The following UNC80 variants were observed in gnomAD, a reference collection of about 807,000 sequenced individuals.
UNC80 encodes unc-80 subunit of NALCN channel complex, also known as protein unc-80 homolog.
In UNC80, 164 loss-of-function variants were observed where a neutral mutation model predicts 384.6. That is an observed-to-expected ratio of 0.43 (90% CI 0.38 to 0.49). The LOEUF (loss-of-function observed/expected upper bound fraction) is 0.49. Ranked by LOEUF, UNC80 falls within the 20% of genes least tolerant of loss-of-function variation. The pLI is 0.00. For synonymous variants in UNC80, 1,486 were observed against 1,527.8 expected, an observed-to-expected ratio of 0.97 and a Z score of 0.64; for missense variants, 3,330 against 4,143.0, an observed-to-expected ratio of 0.80 and a Z score of 5.39.
intron 18 of UNC80, 147 bp downstream of exon 18, chr2:209,835,157 A>G: frequency 3.3e-6 from 2 of 600,534 alleles, no homozygotes; most frequent in Non-Finnish European, 5.8e-6. Flanking sequence ...TCCCAATGCC[A>G]CTAACTCTCC....
At chr2:209,796,942 G>A (rs911500924) in intron 7 of UNC80, among the ~76,000 whole-genome samples, 32 of 152,060 alleles carry the variant, frequency 2.1e-4, no homozygotes, top group South Asian at 2.1e-4. Flanking sequence ...TTCATCACCC[G>A]AAAATGTCCC....
intron 22 of UNC80, among the ~76,000 whole-genome samples, chr2:209,854,544 A>T (rs1254296097): frequency 6.6e-6 from 1 of 152,176 alleles, no homozygotes; most frequent in Admixed American, 6.5e-5. Context: ...AAATTTTTGC[A>T]ATCTATCCAT....
rs528377673 is a variant in UNC80 at position 209,787,802 on chromosome 2, T to C, written c.724+1613T>C. Reference sequence around the variant, plus strand: ...TGTATTTACTATACCATACTTTTCATTGTTATTTTAGAATATATTTCTTCT... The same window carrying C: ...TGTATTTACTATACCATACTTTTCACTGTTATTTTAGAATATATTTCTTCT... On this transcript the variant is annotated intron_variant, in intron 5 of 64. Transcript: ENST00000673920. Among the ~76,000 whole-genome samples, 7 of 152,360 alleles carry C rather than the reference T, an allele frequency of 4.6e-5. No individual in the cohort carries two copies. In the East Asian group the frequency reaches 5.8e-4, roughly 13 times the overall value.
chr2:209,803,162 T>C (rs998335083), intron 7 of UNC80, among the ~76,000 whole-genome samples: 3 of 152,212 alleles, frequency 2.0e-5, no homozygotes, highest in African/African-American at 7.2e-5. Context: ...ACCTTTTCCA[T>C]ATTTTATTGG....
intron 22 of UNC80, among the ~76,000 whole-genome samples, chr2:209,857,853 G>T (rs1041026321): frequency 6.6e-6 from 1 of 152,050 alleles, no homozygotes; most frequent in Admixed American, 6.6e-5. Context: ...AAAATCCAGG[G>T]TTTTGTTAGA....
chr2:209,953,041 T>C (rs2092259207), intron 47 of UNC80, among the ~76,000 whole-genome samples: 1 of 152,152 alleles, frequency 6.6e-6, no homozygotes, highest in African/African-American at 2.4e-5. Flanking sequence ...AAATCTTGAT[T>C]TCAGATTCTT....
intron 7 of UNC80, among the ~76,000 whole-genome samples, chr2:209,802,290 A>G (rs1370065000): frequency 6.6e-6 from 1 of 152,208 alleles, no homozygotes; most frequent in Non-Finnish European, 1.5e-5. Context: ...AAAATTATTA[A>G]AAGAGCAGGT....
intron 18 of UNC80, among the ~76,000 whole-genome samples, chr2:209,836,092 A>G (rs537927463): frequency 1.1e-4 from 16 of 152,212 alleles, no homozygotes; most frequent in African/African-American, 3.9e-4. Context: ...ATATTTCATG[A>G]ATGAATGAAT....
At chr2:209,775,042 A>C (rs1204720542) in intron 2 of UNC80, among the ~76,000 whole-genome samples, 1 of 152,222 alleles carries the variant, frequency 6.6e-6, no homozygotes, top group Non-Finnish European at 1.5e-5. Flanking sequence ...GGCATCAAGT[A>C]CCAATCCTGT....
chr2:209,835,997 A>T (rs904523914), intron 18 of UNC80, among the ~76,000 whole-genome samples: 4 of 152,212 alleles, frequency 2.6e-5, no homozygotes, highest in Admixed American at 6.5e-5. Flanking sequence ...GATCAATTCC[A>T]TGGGCTCAGG....
chr2:209,961,691 A>G (rs1176684084), intron 51 of UNC80, among the ~76,000 whole-genome samples: 4 of 152,214 alleles, frequency 2.6e-5, no homozygotes, highest in Non-Finnish European at 5.9e-5. Flanking sequence ...TCATAATATA[A>G]ATAAGTTAAA....
intron 23 of UNC80, among the ~76,000 whole-genome samples, chr2:209,875,679 A>G (rs951895734): frequency 2.0e-5 from 3 of 152,184 alleles, no homozygotes; most frequent in Non-Finnish European, 2.9e-5. Context: ...AACTTCAATT[A>G]TGTGGCCCCT....
intron 18 of UNC80, among the ~76,000 whole-genome samples, chr2:209,835,805 G>A (rs2081297449): frequency 6.6e-6 from 1 of 152,124 alleles, no homozygotes; most frequent in Admixed American, 6.5e-5. Flanking sequence ...TTCACAGTCA[G>A]GGAAATCAAA....
At chr2:209,938,468 A>G (rs1415492418) in intron 42 of UNC80, among the ~76,000 whole-genome samples, 4 of 152,226 alleles carry the variant, frequency 2.6e-5, no homozygotes, top group Non-Finnish European at 2.9e-5. Flanking sequence ...CACTTAAGTA[A>G]TTAAAAATAT....
rs891815294 is a variant in UNC80, at chr2:209,927,009, C to A, written c.5806+23C>A. ...CAGGTACAGTTTTGAACAGTCAGATCATCAGTGACATTCTTAAGCTGTTTA... is the reference window on the plus strand; with the variant it reads ...CAGGTACAGTTTTGAACAGTCAGATAATCAGTGACATTCTTAAGCTGTTTA... On this transcript the variant is annotated intron_variant, in intron 36 of 64. Coordinates refer to ENST00000673920, the MANE Select transcript of UNC80 (RefSeq NM_001371986.1). 6.5e-6 allele frequency: 10 copies of A among 1,550,064 alleles called. No homozygotes were observed. In the Middle Eastern group the frequency reaches 6.7e-4, roughly 103 times the overall value.
Position 209,973,261 on chromosome 2 carries a change from G to T in UNC80, c.8578G>T (p.Ala2860Ser), listed in dbSNP as rs1218908065. 1.3e-6 allele frequency: 2 copies of T among 1,551,534 alleles called. No homozygotes were observed. The highest frequency in any genetic ancestry group is 1.7e-6 in the Non-Finnish European group (2 of 1,146,866). Residue 2860 changes from alanine to serine, a missense_variant, in exon 56 of 65, where the codon GCA becomes TCA. By Grantham distance (99) the Ala-to-Ser change is moderately conservative (BLOSUM62 1). Transcript: ENST00000673920. ...GCTGGCTGAGTCCACCAGCCAAGCA[G>T]CATACTTGGGTTGGTACTTTCTCTC... is the stretch of plus-strand genomic sequence containing the variant. ...EGLAESTSQA[A>S]YLALKVILVC...
At chr2:209,891,606 T>C (rs2086335842) in intron 26 of UNC80, among the ~76,000 whole-genome samples, 1 of 152,168 alleles carries the variant, frequency 6.6e-6, no homozygotes, top group South Asian at 2.1e-4. Context: ...TTATTATTTA[T>C]GTAAATTGGC....
chr2:209,816,774 A>C (rs2079770110), intron 9 of UNC80, 135 bp from the exon 10 acceptor site: 1 of 734,022 alleles, frequency 1.4e-6, no homozygotes, highest in Non-Finnish European at 2.2e-6. Context: ...TTATTGGATG[A>C]TATTCAGTGA....
In UNC80 at chr2:209,993,433, C is replaced by T. The variant is rs1328998771; in HGVS notation, c.9508+7C>T. On this transcript the variant is annotated splice_region_variant and intron_variant, in intron 63 of 64. Coordinates refer to ENST00000673920, the MANE Select transcript of UNC80 (RefSeq NM_001371986.1). ...CCTAAAACGAAGCCGTCTGGTGAGG[C>T]CTCCTGTGTCCCTTCTGACTATACC... 2 of 1,549,746 alleles carry T rather than the reference C, an allele frequency of 1.3e-6. No homozygotes were observed. The highest frequency in any genetic ancestry group is 2.4e-5 in the East Asian group (1 of 40,906).
Sources: gnomAD v4.1 joint callset for allele counts (sites outside exome capture counted in the v4.1 genomes callset) on GRCh38, gnomAD v4.1.1 for gene constraint, MANE v1.5 for transcripts, NCBI Gene and HGNC (gene_info 2026-07-23, HGNC 2026-07-21) for gene names.